The following SIPA1L3 variants were observed in gnomAD, a reference collection of about 807,000 sequenced individuals.
SIPA1L3 encodes the protein signal-induced proliferation-associated 1-like protein 3.
Under a neutral mutation model 150.1 loss-of-function variants are expected in SIPA1L3, and 59 were observed. The observed-to-expected ratio is 0.39, with a 90% CI of 0.32 to 0.49. The LOEUF (loss-of-function observed/expected upper bound fraction) is 0.49, where lower values mean the gene tolerates loss of function less well. SIPA1L3 is among the 20% of genes least tolerant of loss of function. The pLI, the probability that SIPA1L3 is intolerant of heterozygous loss-of-function variation, is 0.86. For synonymous variants in SIPA1L3, 1,070 were observed against 1,077.6 expected, an observed-to-expected ratio of 0.99 and a Z score of 0.14; for missense variants, 2,211 against 2,489.5, an observed-to-expected ratio of 0.89 and a Z score of 2.38.
chr19:38,018,523 T>C (rs1968291971), intron 1 of SIPA1L3, among the ~76,000 whole-genome samples: 1 of 152,194 alleles, frequency 6.6e-6, no homozygotes, highest in Non-Finnish European at 1.5e-5. Context: ...GTATAATCCA[T>C]GGTCTTTTGT....
intron 2 of SIPA1L3, among the ~76,000 whole-genome samples, chr19:38,048,861 C>T (rs955791539): frequency 1.3e-5 from 2 of 152,176 alleles, no homozygotes; most frequent in South Asian, 4.1e-4. Context: ...GAGGCTGAGG[C>T]GGGCAGATCA....
intron 15 of SIPA1L3, among the ~76,000 whole-genome samples, chr19:38,171,218 C>T (rs1446595779): frequency 6.6e-6 from 1 of 151,938 alleles, no homozygotes; most frequent in Admixed American, 6.6e-5. Flanking sequence ...TATCGTCAGG[C>T]CACTGAACAC....
chr19:38,162,359 C>T lies in SIPA1L3; in HGVS notation c.3768C>T (p.Asn1256=), dbSNP rs1354650255. The change falls in exon 14 of 22, where the codon AAC becomes AAT. Residue 1256 remains asparagine, a synonymous_variant. Transcript: ENST00000222345. The part of the protein sequence containing the change: ...RQDAAGKDSP[N]RHSKGEPQYS... ...ATGCAGCAGGCAAAGATTCCCCCAA[C>T]AGGCATTCCAAAGTGAGTCTGGGCC... is the stretch of plus-strand genomic sequence containing the variant. The T allele has an allele frequency of 6.2e-6, 10 of 1,613,718 alleles. No homozygotes were observed. The highest frequency in any genetic ancestry group is 1.1e-5 in the South Asian group (1 of 91,070).
In SIPA1L3 at chr19:38,110,395, C is replaced by T. The variant is rs201043296; in HGVS notation, c.2291+11C>T. 1.1e-5 allele frequency: 17 copies of T among 1,608,022 alleles called. No homozygotes were observed. The highest frequency in any genetic ancestry group is 1.4e-5 in the Non-Finnish European group (16 of 1,175,564). ...TAACGTCTGTTACAGGTATGCCCCC[C>T]ACACCCGGCCCCCAGCAGCGTATGG... On this transcript the variant is annotated intron_variant, in intron 8 of 21. Coordinates refer to ENST00000222345, the MANE Select transcript of SIPA1L3 (RefSeq NM_015073.3).
At chr19:38,018,814 G>A (rs59501312) in intron 1 of SIPA1L3, among the ~76,000 whole-genome samples, 4,023 of 152,126 alleles carry the variant, frequency 0.026, 158 homozygotes, top group African/African-American at 0.089. Context: ...TAGTCTGGAC[G>A]GTACATTTTG....
chr19:38,030,642 A>ATATATATATGTATATATATATG lies in SIPA1L3; in HGVS notation c.-311+1496_-311+1497insTATATATATATGTATATATATG, dbSNP rs1467678918. On this transcript the variant is annotated intron_variant, in intron 2 of 21. Transcript: ENST00000222345. ...GTGGCAAATATATATATATATATAT[A>ATATATATATGTATATATATATG]TATATATATGGCAAATACTTACCTG... Among the ~76,000 whole-genome samples the ATATATATATGTATATATATATG allele has an allele frequency of 5.6e-3, 419 of 75,340 alleles. 21 individuals are homozygous for ATATATATATGTATATATATATG. The highest frequency in any genetic ancestry group is 0.016 in the African/African-American group (400 of 25,454). The allele number at this position is 75,340 out of a possible 152,430, so 49.4% of individuals were successfully genotyped here. A position where few individuals can be genotyped will look rare whatever the true frequency, so the allele number is the denominator to read the frequency against.
chr19:38,138,910 A>AAAAAAAAAAAAAAAAAAAAACAAAAAC (rs1343348254), intron 10 of SIPA1L3, among the ~76,000 whole-genome samples: 10 of 112,856 alleles, frequency 8.9e-5, no homozygotes, highest in African/African-American at 3.4e-4. Flanking sequence ...AAAAAAAAAA[A>AAAAAAAAAAAAAAAAAAAAACAAAAAC]AAAAACTGAG....
intron 12 of SIPA1L3, among the ~76,000 whole-genome samples, chr19:38,144,101 C>T (rs971040506): frequency 1.3e-5 from 2 of 152,216 alleles, no homozygotes; most frequent in African/African-American, 4.8e-5. Context: ...CCAACTCAAG[C>T]TTCTGTGCCC....
At chr19:37,927,902 A>G (rs2046520795) in intron 1 of SIPA1L3, among the ~76,000 whole-genome samples, 2 of 152,098 alleles carry the variant, frequency 1.3e-5, no homozygotes, top group African/African-American at 4.8e-5. Flanking sequence ...GCTGTGTAGT[A>G]TTCCATGGTA....
At chr19:38,160,205 G>T (rs990195974) in intron 13 of SIPA1L3, among the ~76,000 whole-genome samples, 1 of 151,238 alleles carries the variant, frequency 6.6e-6, no homozygotes. Context: ...GGAGAGACAG[G>T]GTTTCACCAT....
intron 12 of SIPA1L3, among the ~76,000 whole-genome samples, chr19:38,149,415 G>T (rs1343134952): frequency 6.6e-6 from 1 of 152,186 alleles, no homozygotes; most frequent in Admixed American, 6.6e-5. Flanking sequence ...GTTAACAAGA[G>T]AAGTACATGG....
At chr19:38,099,337 C>CTTT (rs11434268) in intron 4 of SIPA1L3, among the ~76,000 whole-genome samples, 16 of 145,568 alleles carry the variant, frequency 1.1e-4, no homozygotes, top group African/African-American at 3.0e-4. Context: ...CACGCCTGGC[C>CTTT]TTTTTTTTTT....
chr19:38,148,407 C>T (rs1600136493), intron 12 of SIPA1L3, among the ~76,000 whole-genome samples: 1 of 151,742 alleles, frequency 6.6e-6, no homozygotes, highest in East Asian at 1.9e-4. Flanking sequence ...CCCTCAACCC[C>T]TGGCAAGGTC....
chr19:38,062,642 T>C (rs1969473126), intron 2 of SIPA1L3, among the ~76,000 whole-genome samples: 1 of 151,546 alleles, frequency 6.6e-6, no homozygotes. Flanking sequence ...TGAGAAAGAG[T>C]CTCACTCTGT....
At chr19:38,120,902 T>C (rs571627499) in intron 9 of SIPA1L3, among the ~76,000 whole-genome samples, 1 of 152,370 alleles carries the variant, frequency 6.6e-6, no homozygotes, top group Non-Finnish European at 1.5e-5. Flanking sequence ...AGAGATAGCA[T>C]ATAACACGGC....
intron 6 of SIPA1L3, among the ~76,000 whole-genome samples, chr19:38,104,928 C>G (rs1970588071): frequency 6.6e-6 from 1 of 152,158 alleles, no homozygotes; most frequent in East Asian, 1.9e-4. Flanking sequence ...AATGAGTTTC[C>G]CCAAATTACA....
At chr19:38,157,430 G>A (rs888045959) in intron 13 of SIPA1L3, among the ~76,000 whole-genome samples, 2 of 152,216 alleles carry the variant, frequency 1.3e-5, no homozygotes, top group Non-Finnish European at 2.9e-5. Flanking sequence ...CACTGCTGGT[G>A]AGCAGCGTAA....
intron 14 of SIPA1L3, among the ~76,000 whole-genome samples, chr19:38,163,093 T>A (rs1245753255): frequency 6.6e-6 from 1 of 152,156 alleles, no homozygotes; most frequent in Non-Finnish European, 1.5e-5. Flanking sequence ...ACTCCAGGCA[T>A]TGGGACCATG....
At chr19:38,035,902 C>G (rs2145729720) in intron 2 of SIPA1L3, among the ~76,000 whole-genome samples, 1 of 152,292 alleles carries the variant, frequency 6.6e-6, no homozygotes, top group African/African-American at 2.4e-5. Context: ...TATTCATTCA[C>G]CAGACATGTG....
Sources: allele counts gnomAD v4.1 joint callset (sites outside exome capture counted in the v4.1 genomes callset), GRCh38; gene constraint gnomAD v4.1.1; transcripts MANE v1.5; gene names NCBI Gene and HGNC (gene_info 2026-07-23, HGNC 2026-07-21).